The following ANKS1B variants were observed in gnomAD, a reference collection of about 807,000 sequenced individuals.
ANKS1B encodes the protein ankyrin repeat and sterile alpha motif domain-containing protein 1B.
Under a neutral mutation model 148.3 loss-of-function variants are expected in ANKS1B, and 36 were observed. The observed-to-expected ratio is 0.24, with a 90% CI of 0.19 to 0.32. ANKS1B has a LOEUF of 0.32. Among genes scored for constraint, ANKS1B ranks in the 10% least tolerant of loss-of-function variants. The pLI is 1.00. For missense variants in ANKS1B, 1,157 were observed against 1,542.6 expected, an observed-to-expected ratio of 0.75 and a Z score of 4.19; for synonymous variants, 542 against 560.8, an observed-to-expected ratio of 0.97 and a Z score of 0.47.
chr12:98,811,870 T>C (rs888539406), intron 19 of ANKS1B, among the ~76,000 whole-genome samples: 1 of 152,042 alleles, frequency 6.6e-6, no homozygotes, highest in African/African-American at 2.4e-5. Context: ...GATCTTCCAA[T>C]AGTGAATAGA....
chr12:99,357,004 T>C (rs999629207), intron 12 of ANKS1B, among the ~76,000 whole-genome samples: 1 of 151,820 alleles, frequency 6.6e-6, no homozygotes, highest in Non-Finnish European at 1.5e-5. Flanking sequence ...CTAGGCACAA[T>C]AGTAATTGTT....
At chr12:99,748,026 C>T (rs2060761825) in intron 8 of ANKS1B, among the ~76,000 whole-genome samples, 1 of 151,976 alleles carries the variant, frequency 6.6e-6, no homozygotes, top group African/African-American at 2.4e-5. Flanking sequence ...AAGGTAGAGA[C>T]TTAATTCTAT....
At chr12:99,005,541 C>T (rs1598351093) in intron 17 of ANKS1B, among the ~76,000 whole-genome samples, 2 of 152,194 alleles carry the variant, frequency 1.3e-5, no homozygotes, top group Admixed American at 6.5e-5. Context: ...CAAAACCTGA[C>T]ATAAATGCCT....
At chr12:99,122,365 G>A (rs1341578089) in intron 15 of ANKS1B, among the ~76,000 whole-genome samples, 1 of 152,008 alleles carries the variant, frequency 6.6e-6, no homozygotes, top group Non-Finnish European at 1.5e-5. Flanking sequence ...AATTTTATTA[G>A]GACTATTTGA....
At chr12:98,804,017 T>C (rs529301960) in intron 20 of ANKS1B, among the ~76,000 whole-genome samples, 3 of 152,270 alleles carry the variant, frequency 2.0e-5, no homozygotes, top group South Asian at 4.1e-4. Flanking sequence ...CTGGAAGAAA[T>C]TAGTGGAACA....
At chr12:98,818,041 A>G (rs2099155267) in intron 19 of ANKS1B, among the ~76,000 whole-genome samples, 1 of 152,152 alleles carries the variant, frequency 6.6e-6, no homozygotes, top group South Asian at 2.1e-4. Context: ...ATCTAAGTCC[A>G]CTGGCATGAT....
intron 17 of ANKS1B, among the ~76,000 whole-genome samples, chr12:98,968,277 G>A (rs1211980807): frequency 1.3e-5 from 2 of 152,046 alleles, no homozygotes; most frequent in South Asian, 2.1e-4. Context: ...AGTGTAATTC[G>A]CAGACCAGCA....
chr12:99,884,949 C>T (rs2153742468), intron 1 of ANKS1B, among the ~76,000 whole-genome samples: 1 of 151,652 alleles, frequency 6.6e-6, no homozygotes, highest in African/African-American at 2.4e-5. Context: ...ACAAAGACAG[C>T]AACAACTTAG....
chr12:99,272,686 T>A (rs191247916), intron 12 of ANKS1B, among the ~76,000 whole-genome samples: 135 of 152,358 alleles, frequency 8.9e-4, no homozygotes, highest in Non-Finnish European at 1.7e-3. Context: ...CTTCACTAAT[T>A]AGCAGAAAAT....
chr12:99,193,793 CTTTTTTTTTT>C (rs34024548), intron 14 of ANKS1B, among the ~76,000 whole-genome samples: 2 of 66,800 alleles, frequency 3.0e-5, no homozygotes, highest in African/African-American at 1.2e-4. Context: ...ATTTCTAGTT[CTTTTTTTTTT>C]TTTTTTTTTT....
intron 8 of ANKS1B, among the ~76,000 whole-genome samples, chr12:99,759,057 AT>A (rs2061837936): frequency 6.6e-6 from 1 of 151,874 alleles, no homozygotes; most frequent in Non-Finnish European, 1.5e-5. Flanking sequence ...TTCTTTGTTC[AT>A]TTTAAAGTCT....
intron 9 of ANKS1B, among the ~76,000 whole-genome samples, chr12:99,586,070 GCAT>G (rs752265679): frequency 6.6e-5 from 10 of 152,070 alleles, no homozygotes; most frequent in Non-Finnish European, 1.3e-4. Flanking sequence ...CCCTTCTATT[GCAT>G]CATCAGGCTG....
chr12:98,886,616 T>C (rs1021895985), intron 17 of ANKS1B, among the ~76,000 whole-genome samples: 1 of 152,206 alleles, frequency 6.6e-6, no homozygotes, highest in Non-Finnish European at 1.5e-5. Context: ...CATCATATTG[T>C]GGAAAATTCT....
chr12:99,276,585 A>G (rs2077705761), intron 12 of ANKS1B, among the ~76,000 whole-genome samples: 1 of 152,200 alleles, frequency 6.6e-6, no homozygotes, highest in African/African-American at 2.4e-5. Flanking sequence ...CCCTGCTGCA[A>G]CCTTGATTTT....
chr12:99,972,833 T>G (rs2095576348), intron 1 of ANKS1B, among the ~76,000 whole-genome samples: 1 of 152,176 alleles, frequency 6.6e-6, no homozygotes, highest in Non-Finnish European at 1.5e-5. Context: ...CTTCAAAGCT[T>G]CAAAGGACAG....
At chr12:99,283,548 G>A (rs767586500) in intron 12 of ANKS1B, among the ~76,000 whole-genome samples, 3 of 152,180 alleles carry the variant, frequency 2.0e-5, no homozygotes, top group Non-Finnish European at 4.4e-5. Flanking sequence ...CACCTGGCAG[G>A]AGTGTATCCT....
intron 8 of ANKS1B, among the ~76,000 whole-genome samples, chr12:99,677,313 T>C (rs904415875): frequency 1.4e-4 from 21 of 152,334 alleles, no homozygotes; most frequent in Non-Finnish European, 2.2e-4. Flanking sequence ...CAGTACCACT[T>C]GCCCCTCCTC....
At chr12:99,578,866 A>G (rs543636332) in intron 9 of ANKS1B, among the ~76,000 whole-genome samples, 1 of 152,288 alleles carries the variant, frequency 6.6e-6, no homozygotes, top group South Asian at 2.1e-4. Flanking sequence ...ATTTATCTGG[A>G]ACCAAAAATG....
At chr12:99,672,223 G>T (rs916940508) in intron 8 of ANKS1B, among the ~76,000 whole-genome samples, 3 of 151,998 alleles carry the variant, frequency 2.0e-5, no homozygotes, top group Non-Finnish European at 4.4e-5. Flanking sequence ...GAAGTAGGAG[G>T]TACCCAGGAC....
Sources: gnomAD v4.1 joint callset for allele counts (sites outside exome capture counted in the v4.1 genomes callset) on GRCh38, gnomAD v4.1.1 for gene constraint, MANE v1.5 for transcripts, NCBI Gene and HGNC (gene_info 2026-07-23, HGNC 2026-07-21) for gene names.